The following ADAMTSL1 variants were observed in gnomAD, a reference collection of about 807,000 sequenced individuals.
The protein encoded by ADAMTSL1 is ADAMTS-like protein 1.
Under a neutral mutation model 201.8 loss-of-function variants are expected in ADAMTSL1, and 126 were observed. The observed-to-expected ratio is 0.62, with a 90% CI of 0.54 to 0.72. ADAMTSL1 has a LOEUF of 0.72. ADAMTSL1 is among the 30% of genes least tolerant of loss of function. The probability of loss-of-function intolerance (pLI) is 0.00; values close to 1 mark genes in which losing one functional copy is unlikely to be tolerated. For missense variants in ADAMTSL1, 2,679 were observed against 2,277.8 expected (o/e 1.18, Z -3.59); for synonymous variants, 1,121 against 903.4 (o/e 1.24, Z -4.32).
chr9:18,311,230 G>C (rs183032670), intron 2 of ADAMTSL1, among the ~76,000 whole-genome samples: 8 of 152,108 alleles, frequency 5.3e-5, no homozygotes, highest in Admixed American at 1.3e-4. Context: ...GGTAGTAATA[G>C]CATTAGGAGA....
At chr9:18,826,113 C>A in intron 21 of ADAMTSL1, 171 bp from the exon 22 acceptor site, 1 of 722,156 alleles carries the variant, frequency 1.4e-6, no homozygotes, top group Non-Finnish European at 2.3e-6. Flanking sequence ...AGTCTATATC[C>A]TTATCCTACC....
intron 23 of ADAMTSL1, among the ~76,000 whole-genome samples, chr9:18,852,777 C>G (rs1826580564): frequency 6.6e-6 from 1 of 152,142 alleles, no homozygotes; most frequent in South Asian, 2.1e-4. Flanking sequence ...GGTTGATAAA[C>G]TGACCCTCAG....
At chr9:17,975,220 C>A (rs1202429074) in intron 1 of ADAMTSL1, among the ~76,000 whole-genome samples, 1 of 150,440 alleles carries the variant, frequency 6.6e-6, no homozygotes, top group Non-Finnish European at 1.5e-5. Context: ...ATTTTTTTTT[C>A]TTTGGCTACT....
chr9:18,081,700 C>A (rs1823505989), intron 1 of ADAMTSL1, among the ~76,000 whole-genome samples: 1 of 152,026 alleles, frequency 6.6e-6, no homozygotes, highest in Non-Finnish European at 1.5e-5. Flanking sequence ...TGTACCTCTC[C>A]CAAACCAAGG....
chr9:18,770,092 G>A (rs1043294709), intron 16 of ADAMTSL1, among the ~76,000 whole-genome samples: 2 of 152,132 alleles, frequency 1.3e-5, no homozygotes, highest in African/African-American at 2.4e-5. Flanking sequence ...TTCCAGGGGG[G>A]TCCTTAAGAA....
chr9:18,348,545 T>G (rs1349788423), intron 2 of ADAMTSL1, among the ~76,000 whole-genome samples: 3 of 152,224 alleles, frequency 2.0e-5, no homozygotes, highest in Non-Finnish European at 4.4e-5. Flanking sequence ...GATTCTAAAA[T>G]TCTCTAGAAT....
rs144971490 is a variant in ADAMTSL1, at chr9:18,149,937, T to G, written c.88-13925T>G. ...ACAGATTATAGGCAGACTTACAGTT[T>G]CTGGCTTGGATTACCTGGGAGGATG... On this transcript the variant is annotated intron_variant, in intron 1 of 29. Transcript: ENST00000680146. Among the ~76,000 whole-genome samples the G allele has an allele frequency of 4.9e-4, 74 of 152,200 alleles. 3 individuals are homozygous for G. The East Asian group carries it at 0.013, about 26-fold the overall frequency.
intron 4 of ADAMTSL1, among the ~76,000 whole-genome samples, chr9:18,589,588 C>G (rs1435884109): frequency 6.6e-6 from 1 of 152,116 alleles, no homozygotes; most frequent in Non-Finnish European, 1.5e-5. Context: ...ACTAATTGCT[C>G]TGGCTAAGAT....
At chr9:18,879,091 T>C (rs543012380) in intron 23 of ADAMTSL1, among the ~76,000 whole-genome samples, 3 of 152,210 alleles carry the variant, frequency 2.0e-5, no homozygotes, top group African/African-American at 7.2e-5. Context: ...TCCGTTTCAC[T>C]ATATGTCAAC....
intron 2 of ADAMTSL1, among the ~76,000 whole-genome samples, chr9:18,412,350 C>T (rs1476896694): frequency 1.3e-5 from 2 of 152,154 alleles, no homozygotes; most frequent in African/African-American, 4.8e-5. Context: ...TAAAGTCCCC[C>T]ATTGTCATTT....
chr9:18,246,418 A>G (rs753708398), intron 2 of ADAMTSL1, among the ~76,000 whole-genome samples: 55 of 152,322 alleles, frequency 3.6e-4, no homozygotes, highest in South Asian at 1.0e-3. Flanking sequence ...ATGTTCATCT[A>G]TTAGGCTGGT....
At chr9:18,290,410 C>A (rs897163478) in intron 2 of ADAMTSL1, among the ~76,000 whole-genome samples, 3 of 151,954 alleles carry the variant, frequency 2.0e-5, no homozygotes, top group South Asian at 4.2e-4. Context: ...TGTGAGTTCA[C>A]CATAGATCAC....
chr9:18,803,257 A>T (rs888416036), intron 20 of ADAMTSL1, among the ~76,000 whole-genome samples: 1 of 152,154 alleles, frequency 6.6e-6, no homozygotes, highest in Non-Finnish European at 1.5e-5. Flanking sequence ...ACTTAGGTCT[A>T]TGGTCTGTGT....
chr9:18,529,985 T>C (rs1819337999), intron 2 of ADAMTSL1, among the ~76,000 whole-genome samples: 1 of 152,190 alleles, frequency 6.6e-6, no homozygotes, highest in African/African-American at 2.4e-5. Flanking sequence ...TGTGCAGATA[T>C]CTCCTATTAT....
At chr9:18,857,387 T>A (rs1389465985) in intron 23 of ADAMTSL1, among the ~76,000 whole-genome samples, 1 of 152,196 alleles carries the variant, frequency 6.6e-6, no homozygotes, top group Non-Finnish European at 1.5e-5. Flanking sequence ...TTCCTCGGGC[T>A]TCCCTCAATT....
At chr9:18,307,572 C>T (rs553461705) in intron 2 of ADAMTSL1, among the ~76,000 whole-genome samples, 9 of 151,990 alleles carry the variant, frequency 5.9e-5, no homozygotes, top group Non-Finnish European at 1.0e-4. Context: ...AGACTTTAAA[C>T]CAAAAAAGAT....
chr9:18,283,033 G>C (rs546783802), intron 2 of ADAMTSL1, among the ~76,000 whole-genome samples: 11 of 152,158 alleles, frequency 7.2e-5, no homozygotes, highest in Non-Finnish European at 2.9e-5. Context: ...TCTAACAGTT[G>C]TTTAAAAGAA....
At chr9:18,088,829 T>G (rs919743681) in intron 1 of ADAMTSL1, among the ~76,000 whole-genome samples, 8 of 152,126 alleles carry the variant, frequency 5.3e-5, no homozygotes, top group African/African-American at 1.4e-4. Context: ...AGAAAGGTGG[T>G]TCCTCAAAAA....
At chr9:18,194,007 A>G (rs1049614746) in intron 2 of ADAMTSL1, among the ~76,000 whole-genome samples, 18 of 152,144 alleles carry the variant, frequency 1.2e-4, no homozygotes, top group African/African-American at 4.3e-4. Context: ...AACCATGATG[A>G]TAGCAGAAAA....
Sources: gnomAD v4.1 joint callset for allele counts (sites outside exome capture counted in the v4.1 genomes callset) on GRCh38, gnomAD v4.1.1 for gene constraint, MANE v1.5 for transcripts, NCBI Gene and HGNC (gene_info 2026-07-23, HGNC 2026-07-21) for gene names.